Variants in PITRM1 observed in about 807,000 individuals in gnomAD.
PITRM1 encodes the protein presequence protease, mitochondrial.
In PITRM1, 100 loss-of-function variants were observed where a neutral mutation model predicts 129.9. The ratio of observed to expected loss-of-function variants is 0.77; its 90% confidence interval spans 0.65 to 0.91. The LOEUF (loss-of-function observed/expected upper bound fraction) is 0.91, where lower values mean the gene tolerates loss of function less well. Ranked by LOEUF, PITRM1 falls within the 40% of genes least tolerant of loss-of-function variation. The pLI, the probability that PITRM1 is intolerant of heterozygous loss-of-function variation, is 0.00. For missense variants in PITRM1, 1,471 were observed against 1,318.3 expected (o/e 1.12, Z -1.79); for synonymous variants, 591 against 508.8 (o/e 1.16, Z -2.17).
chr10:3,145,492 C>G, intron 21 of PITRM1, 104 bp downstream of exon 21: 1 of 951,084 alleles, frequency 1.1e-6, no homozygotes, highest in Non-Finnish European at 1.6e-6. Flanking sequence ...TATGAACCCC[C>G]ACATGCTGGA....
intron 1 of PITRM1, chr10:3,172,170 CTG>C: frequency 2.2e-6 from 1 of 456,278 alleles, no homozygotes. Context: ...GCCGGCAGCG[CTG>C]AACTATTACC....
At chr10:3,144,514 T>C in intron 21 of PITRM1, 148 bp from the exon 22 acceptor site, 1 of 585,970 alleles carries the variant, frequency 1.7e-6, no homozygotes, top group Non-Finnish European at 3.0e-6. Context: ...TTAAAAAAAA[T>C]AAAAATAGGC....
At chr10:3,159,387 C>T (rs751199301) in intron 9 of PITRM1, among the ~76,000 whole-genome samples, 18 of 152,204 alleles carry the variant, frequency 1.2e-4, no homozygotes, top group Admixed American at 3.3e-4. Context: ...AGGCTGAGCA[C>T]GGGAGGGCCC....
chr10:3,138,273 A>T lies in PITRM1; in HGVS notation c.2982T>A (p.Phe994Leu). Residue 994 changes from phenylalanine (F) to leucine (L), a missense_variant, in exon 26 of 27, where the codon TTT (phenylalanine) becomes TTA (leucine). Transcript: ENST00000224949. ...EMKQAHREQL[F>L]AVSHDKLLAV... is the part of the protein sequence containing the mutation. ...CCAGGAGCTTGTCGTGGCTGACAGC[A>T]AAGAGCTGCTCTCTGTGGGCCTGCT... The T allele has an allele frequency of 1.2e-6, 2 of 1,613,832 alleles. No homozygotes were observed. The highest frequency in any genetic ancestry group is 2.2e-5 in the South Asian group (2 of 91,072).
At chr10:3,160,859 TAA>T (rs1422432190) in intron 7 of PITRM1, among the ~76,000 whole-genome samples, 1 of 152,032 alleles carries the variant, frequency 6.6e-6, no homozygotes, top group African/African-American at 2.4e-5. Flanking sequence ...CTCCCAGGTT[TAA>T]AAGATTCTCC....
Position 3,172,687 on chromosome 10 carries a change from C to A in PITRM1, c.56+30G>T, listed in dbSNP as rs989702597. The A allele has an allele frequency of 5.0e-5, 77 of 1,528,068 alleles. 1 individual carries two copies. Among genetic ancestry groups the A allele is most frequent in the Non-Finnish European group, 6.3e-5 (72 of 1,138,548 alleles). 94.7% of individuals were successfully genotyped at this position (1,528,068 alleles called of 1,614,324 possible). A position where few individuals can be genotyped will look rare whatever the true frequency, so the allele number is the denominator to read the frequency against. On this transcript the variant is annotated intron_variant, in intron 1 of 26. Coordinates refer to ENST00000224949, the MANE Select transcript of PITRM1 (RefSeq NM_014889.4). ...GACCCTCCCCTCCCGGGTACCAGCGCGCCGAGCGCCTCCCGTCGCAGCGTC... is the reference window on the plus strand; with the variant it reads ...GACCCTCCCCTCCCGGGTACCAGCGAGCCGAGCGCCTCCCGTCGCAGCGTC...
At position 3,170,184 on chromosome 10, in the gene PITRM1, G is replaced by A. The variant is rs886247704; in HGVS notation, c.79C>T (p.Arg27Ter). Residue 27 changes from arginine (R) to a stop codon, truncating the protein, a stop_gained, in exon 2 of 27, where the codon CGA becomes TGA. Transcript: ENST00000224949. LOFTEE classifies it high-confidence loss of function. ...TCACAAGCCCGGTTACTGTTCCATC[G>A]CCACGCTCTGTGGTGTGCATGTCTA... is the stretch of plus-strand genomic sequence containing the variant. ...SGGHAHHRAW[R>*]WNSNRACERA... The A allele has an allele frequency of 5.6e-6, 9 of 1,613,636 alleles. No homozygotes were observed. The highest frequency in any genetic ancestry group is 1.1e-5 in the South Asian group (1 of 91,064).
rs1025495898 is a variant in PITRM1, at chr10:3,145,682, G to A, written c.2371C>T (p.Gln791Ter). Residue 791 changes from glutamine (Q) to a stop codon, truncating the protein, a stop_gained, in exon 21 of 27, where the codon CAG becomes TAG. Coordinates refer to ENST00000224949, the MANE Select transcript of PITRM1 (RefSeq NM_014889.4). LOFTEE classifies it high-confidence loss of function. ...AAGTCTTCGACCGCTTTTTCTGTCT[G>A]AGGCATCTGCTGAGGAGTCGCATTC... ...SVNATPQQMP[Q>*]TEKAVEDFLR... The A allele has an allele frequency of 6.4e-7, 1 of 1,551,184 alleles. No individual in the cohort carries two copies.
intron 8 of PITRM1, 115 bp from the exon 9 acceptor site, chr10:3,160,051 C>T: frequency 8.0e-7 from 1 of 1,248,234 alleles, no homozygotes; most frequent in Non-Finnish European, 1.1e-6. Flanking sequence ...GTTAACTTTC[C>T]TTTCAAACAA....
rs368157059 is a variant in PITRM1 at position 3,147,610 on chromosome 10, C to T, written c.2197G>A (p.Ala733Thr). The change falls in exon 19 of 27, where the codon GCA becomes ACA. Residue 733 changes from alanine to threonine, a missense_variant. Coordinates refer to ENST00000224949, the MANE Select transcript of PITRM1 (RefSeq NM_014889.4). Reference sequence around the variant, plus strand: ...CTGAAGGTCTCCTGCAGGTCCCCTGCGGGCGTGAGGGTCCGGCCTGCCCTG... The same window carrying T: ...CTGAAGGTCTCCTGCAGGTCCCCTGTGGGCGTGAGGGTCCGGCCTGCCCTG... ...SIRAGRTLTP[A>T]GDLQETFSGM... The T allele has an allele frequency of 9.9e-5, 159 of 1,613,914 alleles. No individual in the cohort carries two copies. In the Admixed American group the frequency reaches 1.3e-3, roughly 13 times the overall value.
intron 21 of PITRM1, 123 bp from the exon 22 acceptor site, chr10:3,144,489 TTAAA>T (rs779692123): frequency 1.3e-5 from 8 of 622,224 alleles, no homozygotes; most frequent in Non-Finnish European, 2.3e-5. Context: ...TGTAAGTGTT[TTAAA>T]TAATAAACGC....
chr10:3,159,799 A>C (rs1842289352), intron 9 of PITRM1, 49 bp downstream of exon 9: 1 of 1,124,844 alleles, frequency 8.9e-7, no homozygotes, highest in Non-Finnish European at 1.3e-6. Flanking sequence ...TAATAGGAAC[A>C]TTTTCCTCAT....
At chr10:3,166,739 C>T (rs1842897723) in intron 3 of PITRM1, among the ~76,000 whole-genome samples, 197 bp downstream of exon 3, 1 of 152,220 alleles carries the variant, frequency 6.6e-6, no homozygotes, top group Non-Finnish European at 1.5e-5. Context: ...AACACAAATT[C>T]ATACACTTTC....
At chr10:3,162,090 T>G (rs1430133660) in intron 7 of PITRM1, among the ~76,000 whole-genome samples, 1 of 148,950 alleles carries the variant, frequency 6.7e-6, no homozygotes, top group African/African-American at 2.5e-5. Flanking sequence ...CCCAGGAGGC[T>G]GAGGCTGCAG....
chr10:3,149,465 T>C (rs1020105175), intron 16 of PITRM1, 156 bp downstream of exon 16: 36 of 633,638 alleles, frequency 5.7e-5, no homozygotes, highest in Non-Finnish European at 3.1e-5. Context: ...GTTACTTTCA[T>C]AAAAAATTCT....
rs1159146016 is a variant in PITRM1, at chr10:3,165,268, T to C, written c.600A>G (p.Gly200=). The change falls in exon 6 of 27, where the codon GGA becomes GGG. Residue 200 remains glycine (G), a synonymous_variant. Transcript: ENST00000224949. ...SDPQTPLVFK[G]VVFNEMKGAF... ...CTCCCTTCATCTCATTAAAGACGAC[T>C]CCTTTAAAGACCAAGGGCGTCTGGG... 4 of 1,580,184 alleles carry C rather than the reference T, an allele frequency of 2.5e-6. No homozygotes were observed. The highest frequency in any genetic ancestry group is 3.7e-5 in the Admixed American group (2 of 54,512).
chr10:3,154,617 C>T (rs1841813734), intron 14 of PITRM1, among the ~76,000 whole-genome samples: 1 of 152,136 alleles, frequency 6.6e-6, no homozygotes, highest in Non-Finnish European at 1.5e-5. Flanking sequence ...GCCTATTTGC[C>T]ATTAGGAACT....
chr10:3,144,412 C>T, intron 21 of PITRM1, 46 bp from the exon 22 acceptor site: 1 of 1,133,696 alleles, frequency 8.8e-7, no homozygotes, highest in South Asian at 1.4e-5. Flanking sequence ...CCAGAACTCA[C>T]TTGAAATATA....
intron 2 of PITRM1, chr10:3,167,978 C>A (rs951413084): frequency 2.0e-5 from 3 of 152,086 alleles, no homozygotes; most frequent in Admixed American, 1.3e-4. Context: ...TTTAGGTAAG[C>A]CTCCTGGTAA....
Sources: gnomAD v4.1 joint callset for allele counts (sites outside exome capture counted in the v4.1 genomes callset) on GRCh38, gnomAD v4.1.1 for gene constraint, MANE v1.5 for transcripts, NCBI Gene and HGNC (gene_info 2026-07-23, HGNC 2026-07-21) for gene names.